The following GUCY1A2 variants were observed in gnomAD, a reference collection of about 807,000 sequenced individuals.
GUCY1A2 encodes guanylate cyclase 1 soluble subunit alpha 2.
Under a neutral mutation model 63.5 loss-of-function variants are expected in GUCY1A2, and 27 were observed. The ratio of observed to expected loss-of-function variants is 0.43; its 90% confidence interval spans 0.31 to 0.59. The LOEUF (loss-of-function observed/expected upper bound fraction) is 0.59. Ranked by LOEUF, GUCY1A2 falls within the 20% of genes least tolerant of loss-of-function variation. The pLI is 0.11. For missense variants in GUCY1A2, 768 were observed against 913.3 expected, an observed-to-expected ratio of 0.84 and a Z score of 2.05; for synonymous variants, 364 against 343.5, an observed-to-expected ratio of 1.06 and a Z score of -0.66.
chr11:106,830,753 T>A (rs895333296), intron 4 of GUCY1A2, among the ~76,000 whole-genome samples: 1 of 152,200 alleles, frequency 6.6e-6, no homozygotes, highest in African/African-American at 2.4e-5. Flanking sequence ...AACTCTCCTT[T>A]ATACATTTAT....
chr11:106,943,597 C>T (rs1210147415), intron 3 of GUCY1A2, among the ~76,000 whole-genome samples: 1 of 152,282 alleles, frequency 6.6e-6, no homozygotes, highest in African/African-American at 2.4e-5. Flanking sequence ...AAGGACCTTG[C>T]CCTATTTATG....
intron 4 of GUCY1A2, among the ~76,000 whole-genome samples, chr11:106,850,060 CGTCA>C (rs1859331198): frequency 6.6e-6 from 1 of 151,646 alleles, no homozygotes; most frequent in African/African-American, 2.4e-5. Flanking sequence ...TCCCTCCCTG[CGTCA>C]GTCATAGGCA....
intron 4 of GUCY1A2, 79 bp from the exon 5 acceptor site, chr11:106,810,557 A>G (rs1858750021): frequency 8.2e-7 from 1 of 1,220,600 alleles, no homozygotes; most frequent in Non-Finnish European, 1.1e-6. Context: ...TCTGATGAAT[A>G]GAAAGAAAAA....
At chr11:106,773,399 A>G (rs1864293509) in intron 6 of GUCY1A2, among the ~76,000 whole-genome samples, 1 of 152,192 alleles carries the variant, frequency 6.6e-6, no homozygotes, top group African/African-American at 2.4e-5. Context: ...ATACCAAGGT[A>G]TAAATATAAC....
chr11:107,014,310 A>G (rs1861789965), intron 1 of GUCY1A2, among the ~76,000 whole-genome samples: 1 of 151,862 alleles, frequency 6.6e-6, no homozygotes, highest in Non-Finnish European at 1.5e-5. Context: ...GATGGTCTCA[A>G]TCTCTTGACC....
intron 1 of GUCY1A2, among the ~76,000 whole-genome samples, chr11:107,013,953 G>A (rs979922102): frequency 6.8e-6 from 1 of 147,522 alleles, no homozygotes; most frequent in Non-Finnish European, 1.5e-5. Flanking sequence ...CACAATACCT[G>A]CCACATAGAT....
At chr11:106,894,250 A>G (rs1565323091) in intron 4 of GUCY1A2, among the ~76,000 whole-genome samples, 1 of 152,208 alleles carries the variant, frequency 6.6e-6, no homozygotes, top group Non-Finnish European at 1.5e-5. Flanking sequence ...CCAGAAAGAC[A>G]TAACAATCCT....
At chr11:106,943,615 A>C (rs1215001923) in intron 3 of GUCY1A2, among the ~76,000 whole-genome samples, 1 of 152,190 alleles carries the variant, frequency 6.6e-6, no homozygotes, top group Non-Finnish European at 1.5e-5. Flanking sequence ...ATGTCTGCGT[A>C]TCTATCACTG....
intron 6 of GUCY1A2, among the ~76,000 whole-genome samples, chr11:106,718,003 A>G (rs925578257): frequency 1.3e-5 from 2 of 152,182 alleles, no homozygotes; most frequent in Admixed American, 6.5e-5. Flanking sequence ...ATGTGCAAGG[A>G]AACAGGGTGA....
chr11:106,953,236 A>G (rs895332155), intron 3 of GUCY1A2, among the ~76,000 whole-genome samples: 4 of 152,136 alleles, frequency 2.6e-5, no homozygotes. Flanking sequence ...ACATGAAGCG[A>G]TGTTCAATTT....
rs932383731 is a variant in GUCY1A2, at chr11:106,682,748, A to G, written c.*4801T>C. 4.8e-6 allele frequency: 1 copy of G among 210,134 alleles called. No individual in the cohort carries two copies. Among genetic ancestry groups the G allele is most frequent in the African/African-American group, 2.3e-5 (1 of 44,106 alleles). The allele number at this position is 210,134 out of a possible 1,614,324, so 13.0% of individuals were successfully genotyped here. On this transcript the variant is annotated 3_prime_UTR_variant, in exon 8 of 8. Coordinates refer to ENST00000526355, the MANE Select transcript of GUCY1A2 (RefSeq NM_000855.3). ...AATCACTTTATAAAACTATTTTAGA[A>G]TATGGGATTAGCTGTGATACTTCCT...
intron 4 of GUCY1A2, among the ~76,000 whole-genome samples, chr11:106,829,145 T>G (rs544869203): frequency 2.2e-4 from 34 of 152,348 alleles, no homozygotes; most frequent in African/African-American, 8.2e-4. Context: ...CCCTTGGATT[T>G]GTACAGCATG....
chr11:106,996,220 G>T (rs1054509752), intron 1 of GUCY1A2, among the ~76,000 whole-genome samples: 2 of 152,116 alleles, frequency 1.3e-5, no homozygotes, highest in African/African-American at 4.8e-5. Context: ...GGAGGAAGTG[G>T]TAAAATTAGA....
rs11297661 is a variant in GUCY1A2 at position 106,992,325 on chromosome 11, CTTT to C, written c.304-6197_304-6195del. Among the ~76,000 whole-genome samples, 56 of 113,756 alleles carry C rather than the reference CTTT, an allele frequency of 4.9e-4. 1 individual carries two copies. The highest frequency in any genetic ancestry group is 2.8e-3 in the East Asian group (10 of 3,618). The allele number at this position is 113,756 out of a possible 152,430, so 74.6% of individuals were successfully genotyped here. ...ACCCTCTTGTACAAAAAGAATATGT[CTTT>C]TTTTTTTTTTTTTTTTTTTGATACC... is the stretch of plus-strand genomic sequence containing the variant. On this transcript the variant is annotated intron_variant, in intron 1 of 7. Transcript: ENST00000526355.
chr11:106,989,864 G>A (rs1468453211), intron 1 of GUCY1A2, among the ~76,000 whole-genome samples: 1 of 152,090 alleles, frequency 6.6e-6, no homozygotes, highest in Non-Finnish European at 1.5e-5. Context: ...GAGTAGGAAC[G>A]ACACTGAAAC....
chr11:106,929,905 A>G (rs1450857826), intron 4 of GUCY1A2, among the ~76,000 whole-genome samples: 3 of 152,218 alleles, frequency 2.0e-5, no homozygotes, highest in Non-Finnish European at 4.4e-5. Context: ...CTTTCTTATA[A>G]CATTTTCATG....
At chr11:106,946,820 A>G (rs1314066792) in intron 3 of GUCY1A2, among the ~76,000 whole-genome samples, 1 of 152,194 alleles carries the variant, frequency 6.6e-6, no homozygotes, top group Non-Finnish European at 1.5e-5. Context: ...GAATATATTA[A>G]CAACCATCGA....
At chr11:106,903,531 C>T (rs1011127104) in intron 4 of GUCY1A2, among the ~76,000 whole-genome samples, 10 of 152,138 alleles carry the variant, frequency 6.6e-5, no homozygotes, top group Admixed American at 5.9e-4. Flanking sequence ...AGTCCTCAGG[C>T]CCTGGTTGAA....
Position 106,682,651 on chromosome 11 carries a change from A to C in GUCY1A2, c.*4898T>G, listed in dbSNP as rs544505080. On this transcript the variant is annotated 3_prime_UTR_variant, in exon 8 of 8. Coordinates refer to ENST00000526355, the MANE Select transcript of GUCY1A2 (RefSeq NM_000855.3). Reference sequence around the variant, plus strand: ...CTGCATTCCCAAGTCCTTCCAAAGAAACTTACTTCTTTCAATCATGAAACA... The same window carrying C: ...CTGCATTCCCAAGTCCTTCCAAAGACACTTACTTCTTTCAATCATGAAACA... 1 of 211,778 alleles carries C rather than the reference A, an allele frequency of 4.7e-6. No individual in the cohort carries two copies. The highest frequency in any genetic ancestry group is 5.9e-5 in the Admixed American group (1 of 17,016). 13.1% of individuals were successfully genotyped at this position (211,778 alleles called of 1,614,324 possible). A position where few individuals can be genotyped will look rare whatever the true frequency, so the allele number is the denominator to read the frequency against.
Sources: gnomAD v4.1 joint callset for allele counts (sites outside exome capture counted in the v4.1 genomes callset) on GRCh38, gnomAD v4.1.1 for gene constraint, MANE v1.5 for transcripts, NCBI Gene and HGNC (gene_info 2026-07-23, HGNC 2026-07-21) for gene names.